Variants in PCDH15 observed in about 807,000 individuals in gnomAD.
PCDH15 encodes protocadherin-15.
A neutral mutation model predicts 178.5 loss-of-function variants in PCDH15; 129 were observed. That is an observed-to-expected ratio of 0.72 (90% CI 0.63 to 0.84). The LOEUF is 0.84. Among genes scored for constraint, PCDH15 ranks in the 40% least tolerant of loss-of-function variants. PCDH15 has a pLI of 0.00. For missense variants in PCDH15, 2,230 were observed against 2,099.9 expected (o/e 1.06, Z -1.21); for synonymous variants, 800 against 732.0 (o/e 1.09, Z -1.50).
intron 2 of PCDH15, among the ~76,000 whole-genome samples, chr10:54,986,980 G>A (rs1839385213): frequency 6.6e-6 from 1 of 152,024 alleles, no homozygotes; most frequent in Admixed American, 6.6e-5. Context: ...GTGGTTTGCT[G>A]CACCTATTAA....
chr10:55,620,747 C>T (rs1439805025), intron 2 of PCDH15, among the ~76,000 whole-genome samples: 1 of 151,358 alleles, frequency 6.6e-6, no homozygotes, highest in East Asian at 1.9e-4. Context: ...AATATATAAT[C>T]TAGCAGTGGT....
At chr10:55,118,103 G>A (rs1236410113) in intron 2 of PCDH15, among the ~76,000 whole-genome samples, 2 of 152,074 alleles carry the variant, frequency 1.3e-5, no homozygotes, top group Non-Finnish European at 2.9e-5. Context: ...GGAAAAGAAG[G>A]ATCTGACACC....
chr10:55,151,335 T>C (rs1838705910), intron 2 of PCDH15, among the ~76,000 whole-genome samples: 2 of 152,106 alleles, frequency 1.3e-5, no homozygotes, highest in Admixed American at 1.3e-4. Flanking sequence ...TGAGCACATA[T>C]GCATCCTCAA....
chr10:55,332,819 T>C (rs1034296352), intron 2 of PCDH15, among the ~76,000 whole-genome samples: 2 of 152,216 alleles, frequency 1.3e-5, no homozygotes, highest in South Asian at 4.1e-4. Flanking sequence ...TTTCGCCTTC[T>C]GCCTTGATTG....
At chr10:55,612,708 TAGC>T (rs1439709998) in intron 2 of PCDH15, among the ~76,000 whole-genome samples, 1 of 152,150 alleles carries the variant, frequency 6.6e-6, no homozygotes, top group Non-Finnish European at 1.5e-5. Context: ...CTGTGCAGAA[TAGC>T]AGAATGGTAC....
At chr10:54,539,855 C>T (rs1224601175) in intron 2 of PCDH15, among the ~76,000 whole-genome samples, 1 of 152,138 alleles carries the variant, frequency 6.6e-6, no homozygotes, top group African/African-American at 2.4e-5. Context: ...ACAAGAATAT[C>T]TCTCAAAAAC....
At chr10:53,820,540 A>AACTT (rs1388317413) in intron 32 of PCDH15, among the ~76,000 whole-genome samples, 4 of 152,022 alleles carry the variant, frequency 2.6e-5, no homozygotes, top group Admixed American at 2.0e-4. Context: ...TCTCCATGCA[A>AACTT]ACTTATATCT....
rs532918610 is a variant in PCDH15 at position 55,495,635 on chromosome 10, T to C, written c.-156+131990A>G. Among the ~76,000 whole-genome samples the C allele has an allele frequency of 4.7e-4, 72 of 151,936 alleles. 4 individuals are homozygous for C. The South Asian group carries it at 0.015, about 31-fold the overall frequency. The stretch of plus-strand genomic sequence containing the variant: ...TAGAGAAATTAGAATATTCATGCCT[T>C]ATTGGTGGGAATGTAAAAGATTACA... On this transcript the variant is annotated intron_variant, in intron 2 of 5. Coordinates refer to the PCDH15 transcript ENST00000613346.
chr10:54,641,018 A>C (rs1590761855), intron 2 of PCDH15: 5 of 193,346 alleles, frequency 2.6e-5, no homozygotes, highest in South Asian at 2.1e-4. Context: ...GCAGGAGAAT[A>C]ACTTGAACCC....
intron 3 of PCDH15, among the ~76,000 whole-genome samples, chr10:54,408,869 C>T (rs796420076): frequency 6.6e-6 from 1 of 152,106 alleles, no homozygotes. Context: ...TTTCTGGAAC[C>T]AGGCATCTGG....
intron 2 of PCDH15, among the ~76,000 whole-genome samples, chr10:55,520,560 T>G (rs1841151547): frequency 6.7e-6 from 1 of 149,984 alleles, no homozygotes; most frequent in Non-Finnish European, 1.5e-5. Context: ...TATATGTTTT[T>G]ATTCTAGGAA....
intron 2 of PCDH15, among the ~76,000 whole-genome samples, chr10:54,535,196 A>C (rs2084343289): frequency 6.6e-6 from 1 of 152,226 alleles, no homozygotes; most frequent in Admixed American, 6.5e-5. Context: ...GAAGACTTTA[A>C]AACAACATTG....
chr10:54,793,282 A>G (rs1591658432), intron 1 of PCDH15, among the ~76,000 whole-genome samples: 2 of 151,890 alleles, frequency 1.3e-5, no homozygotes, highest in African/African-American at 4.8e-5. Flanking sequence ...TTGCAAGTCA[A>G]TTCTCTATTT....
intron 1 of PCDH15, among the ~76,000 whole-genome samples, chr10:55,302,502 C>A (rs2440734): frequency 0.66 from 100,571 of 151,868 alleles, 34,650 homozygotes; most frequent in African/African-American, 0.85. Flanking sequence ...CCAAGGAAAA[C>A]CGTATTTTGC....
At chr10:54,765,536 G>C (rs1049388783) in intron 1 of PCDH15, among the ~76,000 whole-genome samples, 1 of 152,002 alleles carries the variant, frequency 6.6e-6, no homozygotes, top group African/African-American at 2.4e-5. Flanking sequence ...AATTTTGTTT[G>C]GACATAGTAA....
intron 3 of PCDH15, among the ~76,000 whole-genome samples, chr10:54,887,595 T>G (rs1954380913): frequency 6.6e-6 from 1 of 152,090 alleles, no homozygotes; most frequent in African/African-American, 2.4e-5. Flanking sequence ...AAAGTATTTT[T>G]AAATTAAATG....
At chr10:54,034,215 CAAT>C (rs1188978958) in intron 18 of PCDH15, among the ~76,000 whole-genome samples, 8 of 151,980 alleles carry the variant, frequency 5.3e-5, no homozygotes, top group Non-Finnish European at 1.0e-4. Flanking sequence ...CTTAATTTCC[CAAT>C]ACTATCAATC....
intron 3 of PCDH15, among the ~76,000 whole-genome samples, chr10:54,891,965 T>C (rs1954469447): frequency 6.6e-6 from 1 of 152,080 alleles, no homozygotes; most frequent in South Asian, 2.1e-4. Context: ...GAATGTCATA[T>C]CAAAGAATAA....
intron 2 of PCDH15, among the ~76,000 whole-genome samples, chr10:55,585,913 G>T (rs1024998771): frequency 2.0e-5 from 3 of 151,980 alleles, no homozygotes; most frequent in African/African-American, 7.2e-5. Context: ...ATCTTAATCT[G>T]CTGTTTTCAC....
Sources: allele counts gnomAD v4.1 joint callset (sites outside exome capture counted in the v4.1 genomes callset), GRCh38; gene constraint gnomAD v4.1.1; transcripts MANE v1.5; gene names NCBI Gene and HGNC (gene_info 2026-07-23, HGNC 2026-07-21).